Variants in PALM2AKAP2 observed in about 807,000 individuals in gnomAD.
PALM2AKAP2 encodes PALM2 and AKAP2 fusion, also known as PALM2-AKAP2 fusion protein.
PALM2AKAP2 carries 37 observed loss-of-function variants against 71.5 expected under a neutral mutation model. The observed-to-expected ratio is 0.52, with a 90% CI of 0.40 to 0.68. The LOEUF (loss-of-function observed/expected upper bound fraction) is 0.68, where lower values mean the gene tolerates loss of function less well. Among genes scored for constraint, PALM2AKAP2 ranks in the 30% least tolerant of loss-of-function variants. The pLI, the probability that PALM2AKAP2 is intolerant of heterozygous loss-of-function variation, is 0.00. For missense variants in PALM2AKAP2, 1,224 were observed against 1,191.8 expected (o/e 1.03, Z -0.40); for synonymous variants, 468 against 478.8 (o/e 0.98, Z 0.29).
chr9:110,068,041 A>C (rs1179634604), intron 1 of PALM2AKAP2, among the ~76,000 whole-genome samples: 1 of 146,254 alleles, frequency 6.8e-6, no homozygotes, highest in Non-Finnish European at 1.5e-5. Flanking sequence ...GCAAGTAAGA[A>C]TTTCCCAGAT....
intron 6 of PALM2AKAP2, among the ~76,000 whole-genome samples, chr9:109,991,050 TG>T (rs753527449): frequency 1.3e-5 from 2 of 152,140 alleles, no homozygotes; most frequent in South Asian, 4.2e-4. Flanking sequence ...TTCTGACTGT[TG>T]GGGGTTCTTG....
At chr9:109,990,341 T>G (rs369262970) in intron 6 of PALM2AKAP2, among the ~76,000 whole-genome samples, 2 of 152,294 alleles carry the variant, frequency 1.3e-5, no homozygotes, top group East Asian at 1.9e-4. Context: ...ACTACAGGCG[T>G]GAGCCACCGT....
intron 1 of PALM2AKAP2, among the ~76,000 whole-genome samples, chr9:109,722,017 A>C (rs1052668559): frequency 6.6e-6 from 1 of 152,232 alleles, no homozygotes; most frequent in African/African-American, 2.4e-5. Flanking sequence ...CCTAGTGATG[A>C]GTGCTTTCAG....
intron 1 of PALM2AKAP2, among the ~76,000 whole-genome samples, chr9:109,831,952 C>G (rs555680355): frequency 6.6e-6 from 1 of 152,262 alleles, no homozygotes; most frequent in South Asian, 2.1e-4. Context: ...CTTACGAATT[C>G]TAAAGTCACA....
chr9:109,738,660 A>T (rs1213806841), intron 1 of PALM2AKAP2, among the ~76,000 whole-genome samples: 2 of 152,226 alleles, frequency 1.3e-5, no homozygotes, highest in Non-Finnish European at 2.9e-5. Flanking sequence ...GTCAACAGAG[A>T]AGAGTTGCTA....
intron 6 of PALM2AKAP2, among the ~76,000 whole-genome samples, chr9:109,938,984 G>A (rs1341223560): frequency 2.0e-5 from 3 of 152,000 alleles, no homozygotes; most frequent in African/African-American, 4.8e-5. Flanking sequence ...AGACAAAGTC[G>A]CACCGCTGCA....
exon 2 of PALM2AKAP2, chr9:110,137,101 G>A: frequency 6.2e-7 from 1 of 1,613,308 alleles, no homozygotes; most frequent in Non-Finnish European, 8.5e-7. Context: ...AGCAGCAGCA[G>A]CAGCAGCCCC....
At chr9:109,832,168 C>T (rs764349558) in intron 1 of PALM2AKAP2, among the ~76,000 whole-genome samples, 2 of 152,214 alleles carry the variant, frequency 1.3e-5, no homozygotes, top group South Asian at 2.1e-4. Context: ...AGAGGTCACA[C>T]GCAGAGTGTC....
intron 1 of PALM2AKAP2, among the ~76,000 whole-genome samples, chr9:109,661,535 G>T (rs1357208017): frequency 6.6e-6 from 1 of 152,046 alleles, no homozygotes; most frequent in Non-Finnish European, 1.5e-5. Flanking sequence ...ATCTGTTTTG[G>T]TACCAGTACC....
chr9:109,677,886 G>A (rs951760133), intron 1 of PALM2AKAP2, among the ~76,000 whole-genome samples: 1 of 152,128 alleles, frequency 6.6e-6, no homozygotes, highest in African/African-American at 2.4e-5. Flanking sequence ...AGAAATAGGT[G>A]ATAAAATCAA....
At chr9:109,825,735 A>G (rs1447392327) in intron 1 of PALM2AKAP2, among the ~76,000 whole-genome samples, 3 of 152,174 alleles carry the variant, frequency 2.0e-5, no homozygotes, top group Non-Finnish European at 4.4e-5. Flanking sequence ...AGAGGATGTG[A>G]AGAAATAGGA....
intron 6 of PALM2AKAP2, among the ~76,000 whole-genome samples, chr9:109,958,682 G>GGGAAGGAGA (rs377213708): frequency 1.3e-5 from 2 of 151,682 alleles, no homozygotes; most frequent in African/African-American, 4.8e-5. Context: ...GATGAAAGAA[G>GGGAAGGAGA]GGAAGGAGAG....
chr9:109,732,867 G>T (rs1430608231), intron 1 of PALM2AKAP2, among the ~76,000 whole-genome samples: 1 of 152,130 alleles, frequency 6.6e-6, no homozygotes, highest in Non-Finnish European at 1.5e-5. Flanking sequence ...GTTGAAGAGT[G>T]TTCCTGGCAG....
At chr9:110,059,200 G>A (rs1209163820) in intron 1 of PALM2AKAP2, among the ~76,000 whole-genome samples, 3 of 152,098 alleles carry the variant, frequency 2.0e-5, no homozygotes, top group African/African-American at 4.8e-5. Context: ...GCGCCCAGCC[G>A]ATGGAAAATG....
At chr9:109,874,366 A>G (rs1340028004) in intron 2 of PALM2AKAP2, among the ~76,000 whole-genome samples, 1 of 152,278 alleles carries the variant, frequency 6.6e-6, no homozygotes, top group Non-Finnish European at 1.5e-5. Flanking sequence ...ACACAGAGGC[A>G]AGATAGTAGA....
chr9:110,006,938 C>G (rs1241974031), intron 6 of PALM2AKAP2, among the ~76,000 whole-genome samples: 1 of 152,122 alleles, frequency 6.6e-6, no homozygotes, highest in African/African-American at 2.4e-5. Context: ...TCATTAACTC[C>G]AAGCCAGTTT....
chr9:110,070,620 A>C (rs1215099540), intron 1 of PALM2AKAP2, among the ~76,000 whole-genome samples: 1 of 152,186 alleles, frequency 6.6e-6, no homozygotes, highest in Non-Finnish European at 1.5e-5. Flanking sequence ...AAAACTTAGT[A>C]GGCTCACTGG....
chr9:110,110,522 T>A (rs375446775), intron 1 of PALM2AKAP2, among the ~76,000 whole-genome samples: 1 of 148,834 alleles, frequency 6.7e-6, no homozygotes, highest in African/African-American at 2.5e-5. Context: ...GTGTTTATGG[T>A]GCATTCATGT....
At chr9:109,857,051 A>G (rs10980090) in intron 1 of PALM2AKAP2, among the ~76,000 whole-genome samples, 49,720 of 152,030 alleles carry the variant, frequency 0.33, 8,363 homozygotes, top group East Asian at 0.46. Flanking sequence ...TGTGAGGTCC[A>G]TGCAGTGTCC....
Sources: gnomAD v4.1 joint callset for allele counts (sites outside exome capture counted in the v4.1 genomes callset) on GRCh38, gnomAD v4.1.1 for gene constraint, MANE v1.5 for transcripts, NCBI Gene and HGNC (gene_info 2026-07-23, HGNC 2026-07-21) for gene names.